Variants in LIPA observed in about 807,000 individuals in gnomAD.
The protein encoded by LIPA is lysosomal acid lipase/cholesteryl ester hydrolase.
LIPA carries 26 observed loss-of-function variants against 40.6 expected under a neutral mutation model. The ratio of observed to expected loss-of-function variants is 0.64; its 90% confidence interval spans 0.47 to 0.89. The LOEUF (loss-of-function observed/expected upper bound fraction) is 0.89. Ranked by LOEUF, LIPA falls within the 40% of genes least tolerant of loss-of-function variation. LIPA has a pLI of 0.00. For missense variants in LIPA, 455 were observed against 479.6 expected (o/e 0.95, Z 0.48); for synonymous variants, 188 against 168.4 (o/e 1.12, Z -0.90).
At chr10:89,316,733 G>C (rs543002584) in intron 1 of LIPA, among the ~76,000 whole-genome samples, 5 of 152,220 alleles carry the variant, frequency 3.3e-5, no homozygotes, top group Non-Finnish European at 7.3e-5. Flanking sequence ...CTCCCAGCAC[G>C]GAGTTTGAGA....
chr10:89,247,389 A>C (rs989315550), intron 2 of LIPA, 149 bp downstream of exon 2: 1 of 201,034 alleles, frequency 5.0e-6, no homozygotes, highest in East Asian at 6.3e-5. Flanking sequence ...CAAAAAAAAA[A>C]AAAAAAAAAA....
Position 89,381,029 on chromosome 10 carries a change from C to G in LIPA, c.61+31762G>C, listed in dbSNP as rs117488035. 1.7e-3 allele frequency among the ~76,000 whole-genome samples: 261 copies of G among 152,244 alleles called. 5 individuals carry two copies. In the East Asian group the frequency reaches 0.043, roughly 25 times the overall value. The stretch of plus-strand genomic sequence containing the variant: ...TCAGTGAAAGCCAAAATCTAGTATA[C>G]TTTTTTCCACCTATCAATGCATGGC... On this transcript the variant is annotated intron_variant, in intron 2 of 8. Coordinates refer to the LIPA transcript ENST00000371837.
intron 2 of LIPA, chr10:89,363,261 A>C (rs1844034178): frequency 6.5e-6 from 1 of 153,626 alleles, no homozygotes; most frequent in African/African-American, 2.4e-5. Flanking sequence ...GTTATATCTC[A>C]TGTTGAATTT....
intron 1 of LIPA, among the ~76,000 whole-genome samples, chr10:89,300,978 T>C (rs1843442341): frequency 1.3e-5 from 2 of 152,204 alleles, no homozygotes; most frequent in South Asian, 4.1e-4. Flanking sequence ...GTTTCCCCTC[T>C]GATCACTTTG....
chr10:89,345,534 AT>A (rs1195283120), upstream of LIPA, among the ~76,000 whole-genome samples: 2 of 37,044 alleles, frequency 5.4e-5, no homozygotes, highest in Non-Finnish European at 9.4e-5. Context: ...ATCTCAAAAA[AT>A]AAATAAATAA....
chr10:89,364,238 T>C (rs982707943), intron 2 of LIPA, among the ~76,000 whole-genome samples: 1 of 152,200 alleles, frequency 6.6e-6, no homozygotes, highest in Non-Finnish European at 1.5e-5. Context: ...CCTTTGTCAC[T>C]CTTGATATGT....
At chr10:89,330,238 T>C (rs751591406) in intron 1 of LIPA, among the ~76,000 whole-genome samples, 25 of 152,176 alleles carry the variant, frequency 1.6e-4, no homozygotes, top group Non-Finnish European at 2.9e-4. Flanking sequence ...CCAACAGCCC[T>C]AGGAAGTAAG....
At chr10:89,321,358 A>C (rs9733018) in intron 1 of LIPA, among the ~76,000 whole-genome samples, 37,390 of 152,108 alleles carry the variant, frequency 0.25, 4,751 homozygotes, top group African/African-American at 0.28. Flanking sequence ...CAAAAAACTT[A>C]AACAAATTTA....
intron 2 of LIPA, chr10:89,403,288 C>T: frequency 6.2e-7 from 1 of 1,614,152 alleles, no homozygotes; most frequent in Middle Eastern, 1.6e-4. Context: ...AAAAAGCCCA[C>T]ATTTGAGGTG....
intron 2 of LIPA, among the ~76,000 whole-genome samples, chr10:89,352,401 G>A (rs1843963994): frequency 6.6e-6 from 1 of 152,090 alleles, no homozygotes; most frequent in South Asian, 2.1e-4. Flanking sequence ...TCATGGAAAG[G>A]CACGAGGCTC....
intron 1 of LIPA, among the ~76,000 whole-genome samples, chr10:89,288,749 C>T (rs1242954888): frequency 6.6e-6 from 1 of 152,250 alleles, no homozygotes; most frequent in East Asian, 1.9e-4. Context: ...ACTCTGCCCC[C>T]TCCATTATCT....
At chr10:89,335,857 A>C (rs1241985217) in intron 1 of LIPA, among the ~76,000 whole-genome samples, 1 of 152,248 alleles carries the variant, frequency 6.6e-6, no homozygotes, top group East Asian at 1.9e-4. Context: ...AGATATAAGC[A>C]GAGTTGTTCA....
At chr10:89,223,499 G>T (rs968413207) in intron 7 of LIPA, among the ~76,000 whole-genome samples, 185 bp downstream of exon 7, 1 of 152,174 alleles carries the variant, frequency 6.6e-6, no homozygotes, top group Admixed American at 6.5e-5. Context: ...ACCACAGTCA[G>T]CCTGAGGATG....
intron 1 of LIPA, among the ~76,000 whole-genome samples, chr10:89,325,960 A>G (rs1843596110): frequency 6.6e-6 from 1 of 152,214 alleles, no homozygotes; most frequent in Non-Finnish European, 1.5e-5. Flanking sequence ...AGGATGTGGA[A>G]AAAAGGAAAC....
At chr10:89,384,035 A>G in intron 2 of LIPA, 1 of 1,614,236 alleles carries the variant, frequency 6.2e-7, no homozygotes, top group Non-Finnish European at 8.5e-7. Flanking sequence ...AAGTACATTG[A>G]AGAAGCTCTG....
chr10:89,215,059 ACT>A lies in LIPA; in HGVS notation c.967_968del (p.Ser323LeufsTer44), dbSNP rs917089035. ...CCTTCACATTGTATGTGGGAGGATAACTCTACAATGAAAAGGAACCAGAGAAA... is the reference window on the plus strand; with the variant it reads ...CCTTCACATTGTATGTGGGAGGATAACTACAATGAAAAGGAACCAGAGAAA... The part of the protein sequence containing the change: ...SAKNYFHYNQ[S>X]YPPTYNVKDM... On this transcript the variant is annotated frameshift_variant and splice_region_variant, in exon 10 of 10. Coordinates refer to ENST00000336233, the MANE Select transcript of LIPA (RefSeq NM_000235.4). LOFTEE classifies it low-confidence loss of function (END_TRUNC). 1 of 1,606,904 alleles carries A rather than the reference ACT, an allele frequency of 6.2e-7. No homozygotes were observed. The highest frequency in any genetic ancestry group is 8.5e-7 in the Non-Finnish European group (1 of 1,173,448).
chr10:89,332,200 T>TAACC (rs1843660491), intron 1 of LIPA, among the ~76,000 whole-genome samples: 1 of 152,204 alleles, frequency 6.6e-6, no homozygotes, highest in Non-Finnish European at 1.5e-5. Context: ...GGTTAACATG[T>TAACC]AACCCCTCAC....
intron 1 of LIPA, among the ~76,000 whole-genome samples, chr10:89,326,254 G>A (rs1295996574): frequency 2.0e-5 from 3 of 152,168 alleles, no homozygotes; most frequent in African/African-American, 7.2e-5. Context: ...GTGCTCTTTA[G>A]CCATAAAAAG....
chr10:89,266,359 A>T (rs1843236519), intron 1 of LIPA, among the ~76,000 whole-genome samples: 1 of 152,178 alleles, frequency 6.6e-6, no homozygotes, highest in South Asian at 2.1e-4. Flanking sequence ...AATGATGGTG[A>T]TGCCAAACAA....
Sources: gnomAD v4.1 joint callset for allele counts (sites outside exome capture counted in the v4.1 genomes callset) on GRCh38, gnomAD v4.1.1 for gene constraint, MANE v1.5 for transcripts, NCBI Gene and HGNC (gene_info 2026-07-23, HGNC 2026-07-21) for gene names.